Variants in EHBP1 observed in about 807,000 individuals in gnomAD.
EHBP1 encodes EH domain-binding protein 1.
Under a neutral mutation model 144.0 loss-of-function variants are expected in EHBP1, and 55 were observed. The ratio of observed to expected loss-of-function variants is 0.38; its 90% confidence interval spans 0.31 to 0.48. The LOEUF (loss-of-function observed/expected upper bound fraction) is 0.48, where lower values mean the gene tolerates loss of function less well. Among genes scored for constraint, EHBP1 ranks in the 20% least tolerant of loss-of-function variants. The pLI, the probability that EHBP1 is intolerant of heterozygous loss-of-function variation, is 0.98. For missense variants in EHBP1, 1,200 were observed against 1,364.2 expected, an observed-to-expected ratio of 0.88 and a Z score of 1.90; for synonymous variants, 469 against 472.7, an observed-to-expected ratio of 0.99 and a Z score of 0.10.
intron 5 of EHBP1, among the ~76,000 whole-genome samples, chr2:62,804,348 A>G (rs942867310): frequency 6.6e-6 from 1 of 152,230 alleles, no homozygotes; most frequent in Non-Finnish European, 1.5e-5. Flanking sequence ...GCACTTCTCA[A>G]TTCATGATGG....
intron 13 of EHBP1, among the ~76,000 whole-genome samples, chr2:62,952,496 A>G (rs1293173125): frequency 6.6e-6 from 1 of 152,194 alleles, no homozygotes; most frequent in African/African-American, 2.4e-5. Flanking sequence ...ATTGGATTAG[A>G]GGAAATTTAG....
At chr2:62,752,995 A>G (rs2039900939) in intron 3 of EHBP1, among the ~76,000 whole-genome samples, 1 of 152,102 alleles carries the variant, frequency 6.6e-6, no homozygotes, top group South Asian at 2.1e-4. Flanking sequence ...TATTTAGCCC[A>G]TTTACATTTA....
At chr2:63,018,466 C>T (rs2060573902) in intron 19 of EHBP1, among the ~76,000 whole-genome samples, 1 of 152,118 alleles carries the variant, frequency 6.6e-6, no homozygotes, top group Admixed American at 6.6e-5. Flanking sequence ...CTGGTTCATG[C>T]GATAGGTTCT....
chr2:62,911,475 T>C (rs915523762), intron 10 of EHBP1, among the ~76,000 whole-genome samples: 5 of 152,194 alleles, frequency 3.3e-5, no homozygotes, highest in African/African-American at 1.2e-4. Flanking sequence ...TTTTATCTTA[T>C]TTTTGAGATG....
At chr2:62,857,494 T>TTAAA (rs2152784053) in intron 7 of EHBP1, among the ~76,000 whole-genome samples, 1 of 152,350 alleles carries the variant, frequency 6.6e-6, no homozygotes, top group South Asian at 2.1e-4. Flanking sequence ...GTTTACAATG[T>TTAAA]TAAAGAACAG....
intron 19 of EHBP1, among the ~76,000 whole-genome samples, chr2:63,019,643 G>T (rs1400240905): frequency 6.6e-6 from 1 of 151,474 alleles, no homozygotes; most frequent in Admixed American, 6.6e-5. Context: ...GAAGGTGGAG[G>T]TTGCAATGAA....
chr2:62,960,923 TATG>T (rs1442692573), intron 14 of EHBP1, among the ~76,000 whole-genome samples: 2 of 152,214 alleles, frequency 1.3e-5, no homozygotes, highest in Non-Finnish European at 2.9e-5. Context: ...TCTTTGTTGT[TATG>T]ATGTGTGTAT....
At chr2:62,867,563 T>C (rs1468130593) in intron 9 of EHBP1, among the ~76,000 whole-genome samples, 1 of 152,070 alleles carries the variant, frequency 6.6e-6, no homozygotes, top group African/African-American at 2.4e-5. Context: ...AGAACGTTGC[T>C]GAGAGAAATT....
At chr2:62,700,482 C>G (rs2151761521) in intron 1 of EHBP1, among the ~76,000 whole-genome samples, 1 of 152,234 alleles carries the variant, frequency 6.6e-6, no homozygotes. Context: ...ACTATGCTGG[C>G]TCCTCTTAGA....
intron 19 of EHBP1, among the ~76,000 whole-genome samples, chr2:63,000,027 C>T (rs1443290302): frequency 1.3e-5 from 2 of 152,162 alleles, no homozygotes; most frequent in African/African-American, 2.4e-5. Flanking sequence ...GTCCTAGGCT[C>T]CCAGAGCTTG....
At chr2:62,911,521 G>C (rs1262524328) in intron 10 of EHBP1, among the ~76,000 whole-genome samples, 1 of 152,044 alleles carries the variant, frequency 6.6e-6, no homozygotes, top group Non-Finnish European at 1.5e-5. Context: ...GAGTGCAGTG[G>C]CACAATTTTG....
intron 2 of EHBP1, among the ~76,000 whole-genome samples, chr2:62,729,429 AATAATAATAAAT>A (rs1434150247): frequency 6.2e-5 from 6 of 97,176 alleles, no homozygotes; most frequent in East Asian, 2.4e-4. Context: ...AATATAATAT[AATAATAATAAAT>A]ATAATAATAA....
chr2:62,873,919 G>A (rs1024321031), intron 9 of EHBP1, among the ~76,000 whole-genome samples: 2 of 152,124 alleles, frequency 1.3e-5, no homozygotes, highest in Non-Finnish European at 2.9e-5. Flanking sequence ...AACATGTTCC[G>A]TAATGAGGGA....
At chr2:62,703,790 T>C (rs2034348416), upstream of EHBP1, among the ~76,000 whole-genome samples, 1 of 152,230 alleles carries the variant, frequency 6.6e-6, no homozygotes, top group Admixed American at 6.5e-5. Context: ...AACTTATTAC[T>C]TTTAAGGGAA....
At chr2:62,798,154 G>A (rs1452131705) in intron 5 of EHBP1, among the ~76,000 whole-genome samples, 8 of 152,014 alleles carry the variant, frequency 5.3e-5, no homozygotes, top group African/African-American at 1.2e-4. Context: ...ATCACTTAAC[G>A]TCAGGAGTTT....
chr2:62,934,965 T>A (rs1039016864), intron 10 of EHBP1, among the ~76,000 whole-genome samples: 3 of 152,170 alleles, frequency 2.0e-5, no homozygotes, highest in African/African-American at 7.2e-5. Context: ...CCCTTTCTGT[T>A]GGTTAGCCGT....
chr2:62,986,750 T>C (rs577084443), intron 15 of EHBP1, among the ~76,000 whole-genome samples: 1 of 152,282 alleles, frequency 6.6e-6, no homozygotes, highest in Admixed American at 6.5e-5. Context: ...CTTTTTTCTT[T>C]ATTGTTTTCT....
chr2:62,772,287 T>C (rs1167105275), intron 5 of EHBP1, among the ~76,000 whole-genome samples: 1 of 152,046 alleles, frequency 6.6e-6, no homozygotes, highest in Non-Finnish European at 1.5e-5. Context: ...AGATCCTAGA[T>C]TGGTACCTTA....
At chr2:62,804,722 G>C (rs1317682849) in intron 5 of EHBP1, among the ~76,000 whole-genome samples, 1 of 152,194 alleles carries the variant, frequency 6.6e-6, no homozygotes, top group Non-Finnish European at 1.5e-5. Flanking sequence ...GATTGGTACT[G>C]GTCCGTGGCC....
Sources: allele counts gnomAD v4.1 joint callset (sites outside exome capture counted in the v4.1 genomes callset), GRCh38; gene constraint gnomAD v4.1.1; transcripts MANE v1.5; gene names NCBI Gene and HGNC (gene_info 2026-07-23, HGNC 2026-07-21).